The following PLCB1 variants were observed in gnomAD, a reference collection of about 807,000 sequenced individuals.
The protein encoded by PLCB1 is phospholipase C beta 1.
Under a neutral mutation model 161.8 loss-of-function variants are expected in PLCB1, and 46 were observed. That is an observed-to-expected ratio of 0.28 (90% CI 0.22 to 0.36). The LOEUF is 0.36. Among genes scored for constraint, PLCB1 ranks in the 10% least tolerant of loss-of-function variants. The pLI, the probability that PLCB1 is intolerant of heterozygous loss-of-function variation, is 1.00. For missense variants in PLCB1, 1,016 were observed against 1,472.5 expected (o/e 0.69, Z 5.07); for synonymous variants, 517 against 503.7 (o/e 1.03, Z -0.35).
At chr20:8,830,477 C>T (rs1211746759) in intron 31 of PLCB1, among the ~76,000 whole-genome samples, 1 of 152,166 alleles carries the variant, frequency 6.6e-6, no homozygotes. Flanking sequence ...CTTCTGTAAT[C>T]CATGAAATGG....
chr20:8,253,077 G>T (rs749916832), intron 2 of PLCB1, among the ~76,000 whole-genome samples: 8 of 151,888 alleles, frequency 5.3e-5, no homozygotes, highest in Non-Finnish European at 1.0e-4. Flanking sequence ...ATAGCCCTCA[G>T]ACCTGAGCAT....
At chr20:8,323,422 C>T (rs955524702) in intron 2 of PLCB1, among the ~76,000 whole-genome samples, 103 of 152,188 alleles carry the variant, frequency 6.8e-4, no homozygotes, top group African/African-American at 2.4e-3. Context: ...TCAGAGGATG[C>T]CTGGGGCTAG....
intron 2 of PLCB1, among the ~76,000 whole-genome samples, chr20:8,244,618 G>T (rs1338909531): frequency 6.6e-6 from 1 of 151,860 alleles, no homozygotes; most frequent in Non-Finnish European, 1.5e-5. Context: ...TAATTTTGGA[G>T]ATGGAGATGT....
At chr20:8,643,169 C>T (rs1007677061) in intron 4 of PLCB1, among the ~76,000 whole-genome samples, 1 of 152,164 alleles carries the variant, frequency 6.6e-6, no homozygotes, top group African/African-American at 2.4e-5. Context: ...GACTACTGGA[C>T]TATTACAGCT....
intron 3 of PLCB1, among the ~76,000 whole-genome samples, chr20:8,561,525 G>A (rs541210712): frequency 5.3e-5 from 8 of 151,994 alleles, no homozygotes; most frequent in East Asian, 3.9e-4. Flanking sequence ...AAGTTCAAGC[G>A]TCTCTTTCTA....
intron 2 of PLCB1, among the ~76,000 whole-genome samples, chr20:8,162,462 T>C (rs1387702575): frequency 6.6e-6 from 1 of 152,224 alleles, no homozygotes; most frequent in African/African-American, 2.4e-5. Context: ...AACTGAGACA[T>C]ACACTCAACT....
chr20:8,581,472 C>A (rs968693582), intron 3 of PLCB1, among the ~76,000 whole-genome samples: 1 of 152,098 alleles, frequency 6.6e-6, no homozygotes, highest in African/African-American at 2.4e-5. Context: ...AAGTATGGGA[C>A]AATTTTGGAT....
At chr20:8,561,659 T>C (rs6055901) in intron 3 of PLCB1, among the ~76,000 whole-genome samples, 88,433 of 151,898 alleles carry the variant, frequency 0.58, 26,362 homozygotes, top group African/African-American at 0.66. Flanking sequence ...CATTTGTGTT[T>C]GGTAAATTTG....
chr20:8,764,757 C>A (rs1272169546), intron 25 of PLCB1, among the ~76,000 whole-genome samples: 1 of 152,122 alleles, frequency 6.6e-6, no homozygotes, highest in African/African-American at 2.4e-5. Context: ...AGGCAGAGAC[C>A]AGACTCCATC....
At chr20:8,606,994 A>G (rs1357279983) in intron 3 of PLCB1, among the ~76,000 whole-genome samples, 1 of 152,152 alleles carries the variant, frequency 6.6e-6, no homozygotes. Flanking sequence ...TAGGCAGGAG[A>G]TGGTTCCCAA....
At chr20:8,319,427 G>T (rs563748913) in intron 2 of PLCB1, among the ~76,000 whole-genome samples, 1 of 152,158 alleles carries the variant, frequency 6.6e-6, no homozygotes, top group African/African-American at 2.4e-5. Context: ...TTGTTCACAT[G>T]GTCGCTGGGC....
chr20:8,452,375 A>C (rs1043503325), intron 3 of PLCB1, among the ~76,000 whole-genome samples: 1 of 152,234 alleles, frequency 6.6e-6, no homozygotes, highest in Non-Finnish European at 1.5e-5. Context: ...TAGATGCAAC[A>C]TGGTCTACTG....
chr20:8,526,937 A>G (rs1399266274), intron 3 of PLCB1, among the ~76,000 whole-genome samples: 2 of 127,686 alleles, frequency 1.6e-5, no homozygotes, highest in African/African-American at 2.8e-5. Flanking sequence ...TTTAATAAAG[A>G]GCAGAGCAAA....
chr20:8,360,380 C>T (rs1032480251), intron 2 of PLCB1, among the ~76,000 whole-genome samples: 4 of 152,174 alleles, frequency 2.6e-5, no homozygotes, highest in African/African-American at 9.7e-5. Context: ...ATAGAGGTTC[C>T]TGCAGGAGCT....
At chr20:8,799,538 G>A (rs1984187956) in intron 31 of PLCB1, among the ~76,000 whole-genome samples, 1 of 151,842 alleles carries the variant, frequency 6.6e-6, no homozygotes, top group African/African-American at 2.4e-5. Context: ...GCCCTATTTT[G>A]ATATAACCAG....
At chr20:8,701,326 C>T (rs576596369) in intron 11 of PLCB1, among the ~76,000 whole-genome samples, 13 of 152,256 alleles carry the variant, frequency 8.5e-5, no homozygotes, top group East Asian at 1.9e-4. Flanking sequence ...AGGCTGGCCC[C>T]GCCTCACAGC....
At chr20:8,139,582 A>G (rs1013041506) in intron 1 of PLCB1, among the ~76,000 whole-genome samples, 38 of 152,330 alleles carry the variant, frequency 2.5e-4, no homozygotes, top group Middle Eastern at 6.8e-3. Flanking sequence ...TTGCCATTAA[A>G]AAAAACATTT....
chr20:8,312,233 C>T (rs1249999956), intron 2 of PLCB1, among the ~76,000 whole-genome samples: 1 of 152,078 alleles, frequency 6.6e-6, no homozygotes, highest in Admixed American at 6.6e-5. Flanking sequence ...CATCCCCTCT[C>T]CCCGCCTCCT....
intron 2 of PLCB1, among the ~76,000 whole-genome samples, chr20:8,344,666 C>T (rs1441540164): frequency 6.6e-6 from 1 of 152,154 alleles, no homozygotes; most frequent in African/African-American, 2.4e-5. Context: ...CGGTGCTCAC[C>T]CCAACAGGAT....
Sources: allele counts gnomAD v4.1 joint callset (sites outside exome capture counted in the v4.1 genomes callset), GRCh38; gene constraint gnomAD v4.1.1; transcripts MANE v1.5; gene names NCBI Gene and HGNC (gene_info 2026-07-23, HGNC 2026-07-21).